INPP5F: variants seen among roughly 807,000 people sequenced by gnomAD.
INPP5F encodes inositol polyphosphate-5-phosphatase F, also known as phosphatidylinositide 4-phosphatase SAC2.
Under a neutral mutation model 137.2 loss-of-function variants are expected in INPP5F, and 97 were observed. That is an observed-to-expected ratio of 0.71 (90% CI 0.60 to 0.84). INPP5F has a LOEUF of 0.84. Among genes scored for constraint, INPP5F ranks in the 40% least tolerant of loss-of-function variants. INPP5F has a pLI of 0.00. For missense variants in INPP5F, 1,271 were observed against 1,371.9 expected, an observed-to-expected ratio of 0.93 and a Z score of 1.16; for synonymous variants, 504 against 476.9, an observed-to-expected ratio of 1.06 and a Z score of -0.74.
chr10:119,759,423 C>T (rs987166889), intron 2 of INPP5F, among the ~76,000 whole-genome samples: 2 of 151,864 alleles, frequency 1.3e-5, no homozygotes, highest in African/African-American at 4.8e-5. Flanking sequence ...GAGTCTTGCT[C>T]TTGTAGCCCA....
intron 2 of INPP5F, among the ~76,000 whole-genome samples, chr10:119,774,850 A>C (rs1388652782): frequency 6.6e-6 from 1 of 152,172 alleles, no homozygotes; most frequent in Non-Finnish European, 1.5e-5. Context: ...CAATATGTAT[A>C]GTTAGTTTTT....
At chr10:119,767,562 C>G (rs951930772) in intron 2 of INPP5F, among the ~76,000 whole-genome samples, 1 of 152,256 alleles carries the variant, frequency 6.6e-6, no homozygotes, top group East Asian at 1.9e-4. Context: ...TAGTTTGATT[C>G]CTAAATATGT....
intron 1 of INPP5F, among the ~76,000 whole-genome samples, chr10:119,730,475 A>G (rs891710334): frequency 2.0e-5 from 3 of 152,222 alleles, no homozygotes; most frequent in African/African-American, 7.2e-5. Flanking sequence ...ATCTTCTGAG[A>G]GTAGAGTCTA....
intron 2 of INPP5F, among the ~76,000 whole-genome samples, chr10:119,762,507 T>C (rs1382203254): frequency 6.6e-6 from 1 of 152,122 alleles, no homozygotes; most frequent in African/African-American, 2.4e-5. Flanking sequence ...GATTTCAACA[T>C]ACAGTCACGG....
intron 1 of INPP5F, among the ~76,000 whole-genome samples, chr10:119,746,406 G>A (rs1159774604): frequency 3.3e-5 from 5 of 152,168 alleles, no homozygotes; most frequent in Admixed American, 1.3e-4. Flanking sequence ...AGGTCAAGGT[G>A]GTAGGGTTCT....
chr10:119,767,213 A>C (rs756616992), intron 2 of INPP5F, among the ~76,000 whole-genome samples: 4 of 151,886 alleles, frequency 2.6e-5, no homozygotes, highest in Non-Finnish European at 5.9e-5. Flanking sequence ...GATCAATGGA[A>C]AGGGGAAATA....
chr10:119,818,441 C>T (rs890920298), intron 15 of INPP5F, among the ~76,000 whole-genome samples: 1 of 152,366 alleles, frequency 6.6e-6, no homozygotes, highest in African/African-American at 2.4e-5. Context: ...AGGGGCCAGA[C>T]GCTCGGTGCA....
At chr10:119,822,544 G>T in intron 17 of INPP5F, 40 bp downstream of exon 17, 1 of 980,334 alleles carries the variant, frequency 1.0e-6, no homozygotes, top group Non-Finnish European at 1.5e-6. Context: ...AAAAGCAAAT[G>T]CTGTTGTTTC....
intron 6 of INPP5F, among the ~76,000 whole-genome samples, chr10:119,795,471 C>CA (rs1850337639): frequency 6.6e-6 from 1 of 150,924 alleles, no homozygotes; most frequent in East Asian, 2.0e-4. Context: ...CCCCACCTCT[C>CA]AGACGATGGG....
At chr10:119,767,107 G>GAAAAAAA (rs35875262) in intron 2 of INPP5F, among the ~76,000 whole-genome samples, 5,193 of 40,572 alleles carry the variant, frequency 0.13, 1,251 homozygotes, top group East Asian at 0.35. Context: ...TCTGTCTCCA[G>GAAAAAAA]AAAAAAAAAA....
chr10:119,823,163 C>T lies in INPP5F; in HGVS notation c.2125C>T (p.Arg709Ter), dbSNP rs1176178260. Reference sequence around the variant, plus strand: ...AGCGAGTGGCTATTTCCACACATTGCGAGCTGTAATGCGTAATCCTGAAGA... The same window carrying T: ...AGCGAGTGGCTATTTCCACACATTGTGAGCTGTAATGCGTAATCCTGAAGA... The part of the protein sequence containing the change: ...KEASGYFHTL[R>*]AVMRNPEEDG... The change falls in exon 18 of 20, where the codon CGA (arginine) becomes TGA (stop). Residue 709 changes from arginine (R) to a stop codon, truncating the protein, a stop_gained. Transcript: ENST00000650623. LOFTEE classifies it high-confidence loss of function. 3 of 1,613,838 alleles carry T rather than the reference C, an allele frequency of 1.9e-6. No homozygotes were observed. The highest frequency in any genetic ancestry group is 1.7e-5 in the Admixed American group (1 of 59,994).
intron 19 of INPP5F, among the ~76,000 whole-genome samples, chr10:119,824,778 A>C (rs1475201793): frequency 1.3e-5 from 2 of 152,084 alleles, no homozygotes; most frequent in Non-Finnish European, 2.9e-5. Flanking sequence ...TCTAATTTTC[A>C]TTCCTTCTAC....
chr10:119,792,250 A>T, intron 6 of INPP5F, 37 bp downstream of exon 6: 1 of 1,453,776 alleles, frequency 6.9e-7, no homozygotes, highest in South Asian at 1.2e-5. Context: ...AACCGTAATG[A>T]AATTGGTCTG....
chr10:119,739,521 G>A (rs1848312662), intron 1 of INPP5F, among the ~76,000 whole-genome samples: 1 of 152,148 alleles, frequency 6.6e-6, no homozygotes. Flanking sequence ...AATAACTATT[G>A]AATGAGTGCC....
intron 1 of INPP5F, among the ~76,000 whole-genome samples, chr10:119,739,187 GA>G (rs1233362976): frequency 2.0e-5 from 3 of 149,084 alleles, no homozygotes; most frequent in South Asian, 2.1e-4. Flanking sequence ...GTCTCAAGGG[GA>G]AAAAAAAAAT....
In INPP5F at chr10:119,798,144, A is replaced by AT. The variant is rs571998396; in HGVS notation, c.1049-398dup. On this transcript the variant is annotated intron_variant, in intron 8 of 19. Transcript: ENST00000650623. The stretch of plus-strand genomic sequence containing the variant: ...CATTTAAATCTAATTAGATTACTGA[A>AT]TGAGCTTGATTTTAAAAAAAATGTT... Among the ~76,000 whole-genome samples the AT allele has an allele frequency of 8.5e-4, 130 of 152,162 alleles. 2 individuals are homozygous for AT. The East Asian group carries it at 0.019, about 22-fold the overall frequency.
At position 119,828,874 on chromosome 10, in the gene INPP5F, G is replaced by T. The variant is rs973599065; in HGVS notation, c.*1094G>T. 3.9e-5 allele frequency: 6 copies of T among 152,554 alleles called. No homozygotes were observed. Among genetic ancestry groups the T allele is most frequent in the African/African-American group, 1.4e-4 (6 of 41,426 alleles). The allele number at this position is 152,554 out of a possible 1,614,324, so 9.5% of individuals were successfully genotyped here. A position where few individuals can be genotyped will look rare whatever the true frequency, so the allele number is the denominator to read the frequency against. ...AAACAATTTAGTCTGAAACACAATT[G>T]TGCTGAATCTGTCTGACTATAACTC... On this transcript the variant is annotated 3_prime_UTR_variant, in exon 20 of 20. Coordinates refer to ENST00000650623, the MANE Select transcript of INPP5F (RefSeq NM_014937.4).
intron 2 of INPP5F, among the ~76,000 whole-genome samples, chr10:119,763,639 T>A (rs1849070001): frequency 6.6e-6 from 1 of 152,208 alleles, no homozygotes; most frequent in Admixed American, 6.5e-5. Flanking sequence ...ACTCTCCTTA[T>A]CAGAGGGACT....
chr10:119,739,897 G>A (rs914250376), intron 1 of INPP5F, among the ~76,000 whole-genome samples: 1 of 152,136 alleles, frequency 6.6e-6, no homozygotes, highest in Admixed American at 6.5e-5. Context: ...TGGTTTACAG[G>A]TGTAAGCTAC....
Sources: allele counts gnomAD v4.1 joint callset (sites outside exome capture counted in the v4.1 genomes callset), GRCh38; gene constraint gnomAD v4.1.1; transcripts MANE v1.5; gene names NCBI Gene and HGNC (gene_info 2026-07-23, HGNC 2026-07-21).